The following UBE2Z variants were observed in gnomAD, a reference collection of about 807,000 sequenced individuals.
UBE2Z encodes ubiquitin-conjugating enzyme E2 Z.
Under a neutral mutation model 32.6 loss-of-function variants are expected in UBE2Z, and 10 were observed. That is an observed-to-expected ratio of 0.31 (90% CI 0.19 to 0.52). The LOEUF is 0.52. UBE2Z is among the 20% of genes least tolerant of loss of function. The pLI is 0.97. For missense variants in UBE2Z, 343 were observed against 480.9 expected (o/e 0.71, Z 2.68); for synonymous variants, 183 against 190.8 (o/e 0.96, Z 0.34).
chr17:48,908,808 T>G lies in UBE2Z; in HGVS notation c.305T>G (p.Leu102Arg). Residue 102 changes from leucine (L) to arginine (R), a missense_variant, in exon 1 of 7, where the codon CTC becomes CGC. This residue lies in a region of UBE2Z where 55 missense variants were observed against 56.2 expected (regional missense o/e 0.98). Coordinates refer to ENST00000360943, the MANE Select transcript of UBE2Z (RefSeq NM_023079.5). ...DGERTAPQCL[L>R]RIKRDIMSIY... ...GAGCGCACCGCGCCGCAGTGTCTAC[T>G]CCGGATCAAGCGGTGAGCCGGGGTT... is the stretch of plus-strand genomic sequence containing the variant. 1 of 1,502,648 alleles carries G rather than the reference T, an allele frequency of 6.7e-7. No individual in the cohort carries two copies. Among genetic ancestry groups the G allele is most frequent in the Non-Finnish European group, 8.8e-7 (1 of 1,130,502 alleles). 93.1% of individuals were successfully genotyped at this position (1,502,648 alleles called of 1,614,324 possible). A position where few individuals can be genotyped will look rare whatever the true frequency, so the allele number is the denominator to read the frequency against.
Position 48,910,512 on chromosome 17 carries a change from A to T in UBE2Z, c.318-296A>T, listed in dbSNP as rs142237090. The T allele has an allele frequency of 5.6e-5, 18 of 320,664 alleles. No homozygotes were observed. The South Asian group carries it at 8.6e-4, about 15-fold the overall frequency. The allele number at this position is 320,664 out of a possible 1,614,324, so 19.9% of individuals were successfully genotyped here. ...TGTGGGAGGAAGTGAGAGTAAGTGG[A>T]AAGTGGCTTTTCCAGGCTGACATTT... On this transcript the variant is annotated intron_variant, in intron 1 of 6. Coordinates refer to ENST00000360943, the MANE Select transcript of UBE2Z (RefSeq NM_023079.5).
intron 2 of UBE2Z, chr17:48,911,444 A>G (rs1277317127): frequency 3.9e-5 from 6 of 152,968 alleles, no homozygotes; most frequent in African/African-American, 1.4e-4. Flanking sequence ...ATAATGTCAC[A>G]TTTCTCTGGC....
intron 4 of UBE2Z, among the ~76,000 whole-genome samples, chr17:48,917,080 G>A (rs777850845): frequency 6.6e-6 from 1 of 152,026 alleles, no homozygotes; most frequent in Non-Finnish European, 1.5e-5. Flanking sequence ...GCCGAGGCGG[G>A]CAGATCACAA....
Position 48,908,438 on chromosome 17 carries a change from G to C in UBE2Z, c.-66G>C, listed in dbSNP as rs1008442606. 3.3e-6 allele frequency: 4 copies of C among 1,201,876 alleles called. No homozygotes were observed. The highest frequency in any genetic ancestry group is 8.6e-5 in the Admixed American group (2 of 23,136). 74.5% of individuals were successfully genotyped at this position (1,201,876 alleles called of 1,614,324 possible). A position where few individuals can be genotyped will look rare whatever the true frequency, so the allele number is the denominator to read the frequency against. ...GCCCGGTTCTCGGTGGTGCGGGAGC[G>C]GGCGGGAGCAGCGGCCGCTCTGGTC... is the stretch of plus-strand genomic sequence containing the variant. On this transcript the variant is annotated 5_prime_UTR_variant, in exon 1 of 7. Coordinates refer to ENST00000360943, the MANE Select transcript of UBE2Z (RefSeq NM_023079.5).
chr17:48,917,028 C>T (rs2040725484), intron 4 of UBE2Z, among the ~76,000 whole-genome samples: 1 of 151,566 alleles, frequency 6.6e-6, no homozygotes, highest in Non-Finnish European at 1.5e-5. Flanking sequence ...TAATAATGGC[C>T]AGGCGCGGTG....
intron 6 of UBE2Z, among the ~76,000 whole-genome samples, chr17:48,924,858 A>AC (rs1382842244): frequency 6.6e-6 from 1 of 151,316 alleles, no homozygotes; most frequent in Non-Finnish European, 1.5e-5. Context: ...AAAAAAAAAA[A>AC]AAAAAAAGAC....
chr17:48,908,953 T>C, intron 1 of UBE2Z, 133 bp downstream of exon 1: 1 of 500,724 alleles, frequency 2.0e-6, no homozygotes, highest in Non-Finnish European at 3.0e-6. Flanking sequence ...ACGGCCCAAA[T>C]CTTGCCAGCT....
chr17:48,922,753 C>T (rs1331054827), intron 5 of UBE2Z, 94 bp from the exon 6 acceptor site: 20 of 932,350 alleles, frequency 2.1e-5, no homozygotes, highest in Non-Finnish European at 3.1e-5. Flanking sequence ...GGCTACAGAG[C>T]AAGACTCCAT....
At chr17:48,910,915 GAAATTGGGGGCCATAAGGTTGCAAA>G in intron 2 of UBE2Z, 35 bp downstream of exon 2, 1 of 1,547,904 alleles carries the variant, frequency 6.5e-7, no homozygotes, top group East Asian at 2.2e-5. Context: ...GGGGTTTTGG[GAAATTGGGGGCCATAAGGTTGCAAA>G]AGCCTAAAAG....
chr17:48,916,880 T>A (rs996364437), intron 4 of UBE2Z, among the ~76,000 whole-genome samples: 1 of 151,754 alleles, frequency 6.6e-6, no homozygotes, highest in Non-Finnish European at 1.5e-5. Flanking sequence ...TGAAAACCTG[T>A]CTCTACTAAA....
In UBE2Z at chr17:48,910,917, A is replaced by G. The variant is rs370573520; in HGVS notation, c.390+37A>G. ...GATGGGGGTTTGGGGGGTTTTGGGA[A>G]ATTGGGGGCCATAAGGTTGCAAAAG... On this transcript the variant is annotated intron_variant, in intron 2 of 6. Coordinates refer to ENST00000360943, the MANE Select transcript of UBE2Z (RefSeq NM_023079.5). 1.8e-5 allele frequency: 27 copies of G among 1,529,066 alleles called. No individual in the cohort carries two copies. The African/African-American group carries it at 3.0e-4, about 17-fold the overall frequency. The allele number at this position is 1,529,066 out of a possible 1,614,324, so 94.7% of individuals were successfully genotyped here.
intron 6 of UBE2Z, among the ~76,000 whole-genome samples, chr17:48,925,383 A>G (rs975340912): frequency 6.6e-6 from 1 of 151,826 alleles, no homozygotes; most frequent in Non-Finnish European, 1.5e-5. Context: ...CTGTTCACCC[A>G]CCCCAACACC....
chr17:48,913,326 T>G (rs1341512767), intron 3 of UBE2Z, among the ~76,000 whole-genome samples: 1 of 151,922 alleles, frequency 6.6e-6, no homozygotes, highest in Admixed American at 6.6e-5. Flanking sequence ...AACTCTGGGG[T>G]TGGGGCCAAA....
chr17:48,921,109 G>GTTTTT (rs1257430285), intron 4 of UBE2Z, 51 bp from the exon 5 acceptor site: 1 of 1,493,128 alleles, frequency 6.7e-7, no homozygotes, highest in Non-Finnish European at 9.2e-7. Context: ...CTTCCCATTG[G>GTTTTT]TTTTCTTTTT....
chr17:48,919,953 T>C (rs2040747689), intron 4 of UBE2Z, among the ~76,000 whole-genome samples: 2 of 152,138 alleles, frequency 1.3e-5, no homozygotes, highest in Admixed American at 1.3e-4. Flanking sequence ...CTGTCTTTTT[T>C]TTTTCTCCCC....
At position 48,927,316 on chromosome 17, in the gene UBE2Z, T is replaced by A. The variant is rs952744978; in HGVS notation, c.*182T>A. Reference sequence around the variant, plus strand: ...GTGGGGGCCTGTTCCCGGTCTGACCTCCTTGGCACTGGAGCATCTGGGGCT... The same window carrying A: ...GTGGGGGCCTGTTCCCGGTCTGACCACCTTGGCACTGGAGCATCTGGGGCT... On this transcript the variant is annotated 3_prime_UTR_variant, in exon 7 of 7. Transcript: ENST00000360943. 1.6e-6 allele frequency: 1 copy of A among 634,354 alleles called. No homozygotes were observed. The allele number at this position is 634,354 out of a possible 1,614,324, so 39.3% of individuals were successfully genotyped here. A position where few individuals can be genotyped will look rare whatever the true frequency, so the allele number is the denominator to read the frequency against.
intron 5 of UBE2Z, among the ~76,000 whole-genome samples, chr17:48,921,809 A>G (rs2040760957): frequency 6.6e-6 from 1 of 152,044 alleles, no homozygotes; most frequent in South Asian, 2.1e-4. Flanking sequence ...CGGGAGGATC[A>G]CTTGAGCCCA....
intron 2 of UBE2Z, chr17:48,911,158 C>T (rs372583191): frequency 1.4e-5 from 6 of 434,262 alleles, no homozygotes; most frequent in East Asian, 7.7e-5. Flanking sequence ...CATTCTTTCA[C>T]TCTCAAAAAT....
At chr17:48,918,723 A>C (rs1163802297) in intron 4 of UBE2Z, among the ~76,000 whole-genome samples, 1 of 149,042 alleles carries the variant, frequency 6.7e-6, no homozygotes, top group Non-Finnish European at 1.5e-5. Flanking sequence ...CCTCATTAGC[A>C]GGAGCTGATT....
Sources: gnomAD v4.1 joint callset for allele counts (sites outside exome capture counted in the v4.1 genomes callset) on GRCh38, gnomAD v4.1.1 for gene constraint, gnomAD v4.1.1 regional missense constraint, MANE v1.5 for transcripts, NCBI Gene and HGNC (gene_info 2026-07-23, HGNC 2026-07-21) for gene names.